Variants in ADGRL3 observed in about 807,000 individuals in gnomAD.
ADGRL3 encodes calcium-independent alpha-latrotoxin receptor 3.
A neutral mutation model predicts 153.5 loss-of-function variants in ADGRL3; 62 were observed. The observed-to-expected ratio is 0.40, with a 90% CI of 0.33 to 0.50. The LOEUF (loss-of-function observed/expected upper bound fraction) is 0.50, where lower values mean the gene tolerates loss of function less well. ADGRL3 is among the 20% of genes least tolerant of loss of function. The pLI is 0.47. For synonymous variants in ADGRL3, 710 were observed against 672.5 expected (o/e 1.06, Z -0.86); for missense variants, 1,641 against 1,859.4 (o/e 0.88, Z 2.16).
At chr4:61,276,651 C>T (rs2093474761) in intron 1 of ADGRL3, among the ~76,000 whole-genome samples, 1 of 152,076 alleles carries the variant, frequency 6.6e-6, no homozygotes, top group South Asian at 2.1e-4. Context: ...AACTGATCTT[C>T]ATTTTAGTCA....
intron 5 of ADGRL3, among the ~76,000 whole-genome samples, chr4:61,666,418 G>A (rs1200141932): frequency 6.6e-6 from 1 of 151,706 alleles, no homozygotes; most frequent in Non-Finnish European, 1.5e-5. Context: ...TCTTAACTAA[G>A]TGATTCAGTA....
At chr4:61,411,998 T>G (rs1424598184) in intron 2 of ADGRL3, among the ~76,000 whole-genome samples, 2 of 152,184 alleles carry the variant, frequency 1.3e-5, no homozygotes, top group Non-Finnish European at 2.9e-5. Flanking sequence ...AAATATGAAT[T>G]GAATTCTGGA....
chr4:61,517,512 G>A lies in ADGRL3; in HGVS notation c.253G>A (p.Ala85Thr), dbSNP rs577671698. ...GPGAQGAQIAAQAFSRAPIPM... is the reference protein window; with the variant it reads ...GPGAQGAQIATQAFSRAPIPM... ...AGGTGCCCAAGGAGCACAGATTGCA[G>A]CGCAAGGTGCGGCCAGCGGTGGGGA... The change falls in exon 4 of 27, where the codon GCG (alanine) becomes ACG (threonine). Residue 85 changes from alanine (A) to threonine (T), a missense_variant. This residue lies in a region of ADGRL3 where 145 missense variants were observed against 79.1 expected (regional missense o/e 1.83). Transcript: ENST00000683033. 1.4e-6 allele frequency: 1 copy of A among 707,366 alleles called. No individual in the cohort carries two copies. The highest frequency in any genetic ancestry group is 1.7e-5 in the African/African-American group (1 of 57,360). The allele number at this position is 707,366 out of a possible 1,614,324, so 43.8% of individuals were successfully genotyped here.
Position 61,946,931 on chromosome 4 carries a change from T to C in ADGRL3, c.2437T>C (p.Phe813Leu). ...NGRNGEIRVAFVLYNNLGPYL... is the reference protein window; with the variant it reads ...NGRNGEIRVALVLYNNLGPYL... Reference sequence around the variant, plus strand: ...TACTTTAGGAGAGATCAGAGTGGCCTTTGTCCTGTATAACAACTTGGGTCC... The same window carrying C: ...TACTTTAGGAGAGATCAGAGTGGCCCTTGTCCTGTATAACAACTTGGGTCC... The change falls in exon 16 of 27, where the codon TTT becomes CTT. Residue 813 changes from phenylalanine to leucine, a missense_variant. This residue lies in a region of ADGRL3 where 734 missense variants were observed against 797.0 expected (regional missense o/e 0.92). Transcript: ENST00000683033. The C allele has an allele frequency of 6.2e-7, 1 of 1,613,740 alleles. No individual in the cohort carries two copies. Among genetic ancestry groups the C allele is most frequent in the Non-Finnish European group, 8.5e-7 (1 of 1,179,720 alleles).
At chr4:61,994,203 A>G (rs1345288803) in intron 19 of ADGRL3, among the ~76,000 whole-genome samples, 1 of 152,162 alleles carries the variant, frequency 6.6e-6, no homozygotes, top group East Asian at 1.9e-4. Context: ...GCTGAAGTAC[A>G]GTGCCGGGTT....
chr4:61,496,370 A>G (rs942955977), intron 2 of ADGRL3, among the ~76,000 whole-genome samples: 11 of 152,176 alleles, frequency 7.2e-5, no homozygotes, highest in African/African-American at 2.4e-4. Flanking sequence ...GGTATAATAT[A>G]TATGTATTTT....
At chr4:61,240,087 TA>T (rs969625208) in intron 1 of ADGRL3, among the ~76,000 whole-genome samples, 1 of 152,118 alleles carries the variant, frequency 6.6e-6, no homozygotes, top group Non-Finnish European at 1.5e-5. Context: ...CTGGGAAATT[TA>T]ACATCAAGGC....
intron 5 of ADGRL3, among the ~76,000 whole-genome samples, chr4:61,616,624 C>T (rs1421573470): frequency 2.0e-5 from 3 of 152,164 alleles, no homozygotes; most frequent in Non-Finnish European, 4.4e-5. Context: ...CAACCTCCCA[C>T]ATTGACCAAG....
chr4:62,032,529 G>A (rs1365069915), intron 23 of ADGRL3, among the ~76,000 whole-genome samples: 1 of 151,110 alleles, frequency 6.6e-6, no homozygotes, highest in African/African-American at 2.4e-5. Context: ...TGACATGGAG[G>A]GGGTAAAAAT....
rs1722951315 is a variant in ADGRL3 at position 62,032,976 on chromosome 4, A to T, written c.3591+1366A>T. The stretch of plus-strand genomic sequence containing the variant: ...TAAAATAGATGAATCCTGCTATAAC[A>T]GGATATTTAAAAAAATAAAAACAAA... On this transcript the variant is annotated intron_variant, in intron 23 of 26. Transcript: ENST00000683033. Among the ~76,000 whole-genome samples the T allele has an allele frequency of 2.6e-5, 4 of 151,756 alleles. No individual in the cohort carries two copies. The South Asian group carries it at 8.3e-4, about 31-fold the overall frequency.
At chr4:61,609,599 G>T (rs540910395) in intron 5 of ADGRL3, among the ~76,000 whole-genome samples, 2 of 152,016 alleles carry the variant, frequency 1.3e-5, no homozygotes, top group African/African-American at 4.8e-5. Context: ...CAGTTTGTCT[G>T]TGTATGTTTT....
intron 5 of ADGRL3, among the ~76,000 whole-genome samples, chr4:61,638,539 G>T (rs1004765601): frequency 6.6e-6 from 1 of 152,118 alleles, no homozygotes; most frequent in African/African-American, 2.4e-5. Flanking sequence ...CTGGCATACA[G>T]TCCACTTTTT....
chr4:61,415,436 G>A (rs1170928315), intron 2 of ADGRL3, among the ~76,000 whole-genome samples: 1 of 151,790 alleles, frequency 6.6e-6, no homozygotes, highest in East Asian at 1.9e-4. Context: ...TAATTTCTGT[G>A]GAATATTAAT....
chr4:61,320,163 G>A (rs549640468), intron 1 of ADGRL3, among the ~76,000 whole-genome samples: 1 of 152,242 alleles, frequency 6.6e-6, no homozygotes, highest in African/African-American at 2.4e-5. Context: ...CTTGATCTTG[G>A]ACTTCCTAGC....
chr4:61,438,890 G>A (rs1553929982), intron 2 of ADGRL3, among the ~76,000 whole-genome samples: 1 of 151,766 alleles, frequency 6.6e-6, no homozygotes, highest in Non-Finnish European at 1.5e-5. Context: ...TGTATTTTTA[G>A]TAGAGACGGG....
chr4:61,973,123 G>C (rs186438589), intron 17 of ADGRL3, among the ~76,000 whole-genome samples: 1 of 151,716 alleles, frequency 6.6e-6, no homozygotes, highest in African/African-American at 2.4e-5. Flanking sequence ...TCTCTATCTC[G>C]TTTGCTGACT....
intron 8 of ADGRL3, among the ~76,000 whole-genome samples, chr4:61,761,571 A>T (rs951128874): frequency 1.3e-5 from 2 of 152,250 alleles, no homozygotes; most frequent in East Asian, 1.9e-4. Context: ...ACACAGGAGG[A>T]TTGCTTGAAG....
intron 1 of ADGRL3, among the ~76,000 whole-genome samples, chr4:61,207,639 G>A (rs1466027812): frequency 6.6e-6 from 1 of 152,080 alleles, no homozygotes; most frequent in Admixed American, 6.5e-5. Flanking sequence ...CTTCCACAAT[G>A]GTTGAACTAA....
At chr4:61,887,441 C>T (rs1314672219) in intron 9 of ADGRL3, among the ~76,000 whole-genome samples, 1 of 152,082 alleles carries the variant, frequency 6.6e-6, no homozygotes, top group African/African-American at 2.4e-5. Context: ...GATTATAATT[C>T]ACTTACTAGT....
Sources: gnomAD v4.1 joint callset for allele counts (sites outside exome capture counted in the v4.1 genomes callset) on GRCh38, gnomAD v4.1.1 for gene constraint, gnomAD v4.1.1 regional missense constraint, MANE v1.5 for transcripts, NCBI Gene and HGNC (gene_info 2026-07-23, HGNC 2026-07-21) for gene names.